ZFYVE9: variants seen among roughly 807,000 people sequenced by gnomAD.
ZFYVE9 encodes zinc finger FYVE domain-containing protein 9.
ZFYVE9 carries 43 observed loss-of-function variants against 126.7 expected under a neutral mutation model. The ratio of observed to expected loss-of-function variants is 0.34; its 90% CI spans 0.27 to 0.44. ZFYVE9 has a LOEUF of 0.44. Ranked by LOEUF, ZFYVE9 falls within the 20% of genes least tolerant of loss-of-function variation. The probability of loss-of-function intolerance (pLI) is 1.00; values close to 1 mark genes in which losing one functional copy is unlikely to be tolerated. For missense variants in ZFYVE9, 1,476 were observed against 1,697.0 expected, an observed-to-expected ratio of 0.87 and a Z score of 2.29; for synonymous variants, 521 against 597.4, an observed-to-expected ratio of 0.87 and a Z score of 1.87.
At position 52,238,426 on chromosome 1, in the gene ZFYVE9, T is replaced by A; in HGVS notation, c.1009T>A (p.Leu337Ile). 6.2e-7 allele frequency: 1 copy of A among 1,614,082 alleles called. No homozygotes were observed. Among genetic ancestry groups the A allele is most frequent in the Non-Finnish European group, 8.5e-7 (1 of 1,179,974 alleles). ...STTEESLRSG[L>I]PLLLKPDMPN... ...CACTGAAGAATCCCTCCGGTCTGGT[T>A]TACCTTTGCTTCTCAAACCAGACAT... The change falls in exon 4 of 19, where the codon TTA becomes ATA. Residue 337 changes from leucine to isoleucine, a missense_variant. By Grantham distance (5) the Leu-to-Ile change is conservative. Around this residue, in one of 2 missense-constraint regions of ZFYVE9, gnomAD observed 807 missense variants for 794.6 expected, o/e 1.02. Coordinates refer to ENST00000287727, the MANE Select transcript of ZFYVE9 (RefSeq NM_004799.4).
chr1:52,321,959 C>A (rs576258541), intron 13 of ZFYVE9, among the ~76,000 whole-genome samples: 1 of 152,304 alleles, frequency 6.6e-6, no homozygotes, highest in East Asian at 1.9e-4. Context: ...TCTAAGCTGA[C>A]ATCTTCCAAA....
At chr1:52,327,217 A>T (rs934407952) in intron 13 of ZFYVE9, among the ~76,000 whole-genome samples, 2 of 152,162 alleles carry the variant, frequency 1.3e-5, no homozygotes, top group Non-Finnish European at 2.9e-5. Context: ...TCAAGGTTGA[A>T]TGTGAATGAT....
Position 52,306,166 on chromosome 1 carries a change from G to T in ZFYVE9, c.3438+2241G>T, listed in dbSNP as rs189696882. 5.3e-5 allele frequency among the ~76,000 whole-genome samples: 8 copies of T among 152,290 alleles called. No individual in the cohort carries two copies. In the East Asian group the frequency reaches 1.5e-3, roughly 29 times the overall value. On this transcript the variant is annotated intron_variant, in intron 13 of 18. Transcript: ENST00000287727. ...AACTTGGGGTGCCTTTTCTCAGCCT[G>T]CCCATGGCTGTCCATGCACCAGTCG...
At chr1:52,300,322 T>TG (rs1389001053) in intron 12 of ZFYVE9, among the ~76,000 whole-genome samples, 1 of 152,204 alleles carries the variant, frequency 6.6e-6, no homozygotes, top group African/African-American at 2.4e-5. Context: ...CTGGGCGTAG[T>TG]GGCTCATGCC....
intron 1 of ZFYVE9, among the ~76,000 whole-genome samples, chr1:52,158,440 C>T (rs577418852): frequency 1.8e-4 from 27 of 152,304 alleles, no homozygotes; most frequent in East Asian, 3.9e-4. Context: ...TGTGCTGCTG[C>T]GCAGCAGGGA....
chr1:52,308,553 CT>C (rs1557513181), intron 13 of ZFYVE9, among the ~76,000 whole-genome samples: 1 of 151,916 alleles, frequency 6.6e-6, no homozygotes, highest in Non-Finnish European at 1.5e-5. Context: ...TCCATTTATA[CT>C]CATAGTCTTT....
At chr1:52,144,629 CT>C (rs199661772) in intron 1 of ZFYVE9, among the ~76,000 whole-genome samples, 3,273 of 136,040 alleles carry the variant, frequency 0.024, 46 homozygotes, top group African/African-American at 0.055. Flanking sequence ...TCATTTCTTT[CT>C]TTTTTTTTTT....
At chr1:52,344,988 C>CG (rs781245238) in intron 18 of ZFYVE9, 44 bp downstream of exon 18, 2 of 1,601,404 alleles carry the variant, frequency 1.2e-6, no homozygotes, top group Non-Finnish European at 8.6e-7. Context: ...CCTTGGGCAA[C>CG]GTCTGTATTT....
At chr1:52,291,648 C>G (rs1645921372) in intron 10 of ZFYVE9, among the ~76,000 whole-genome samples, 1 of 151,966 alleles carries the variant, frequency 6.6e-6, no homozygotes, top group Non-Finnish European at 1.5e-5. Flanking sequence ...GAGGCCAAGG[C>G]GGGTGGATTA....
At chr1:52,221,039 C>G (rs1310692233) in intron 2 of ZFYVE9, among the ~76,000 whole-genome samples, 1 of 152,196 alleles carries the variant, frequency 6.6e-6, no homozygotes, top group African/African-American at 2.4e-5. Context: ...ATTGATGAAG[C>G]CTCGTTCAGT....
chr1:52,291,873 G>A lies in ZFYVE9; in HGVS notation c.3026-1580G>A, dbSNP rs1272429409. Among the ~76,000 whole-genome samples, 12 of 125,712 alleles carry A rather than the reference G, an allele frequency of 9.5e-5. No homozygotes were observed. In the Admixed American group the frequency reaches 1.0e-3, roughly 11 times the overall value. 82.5% of individuals were successfully genotyped at this position (125,712 alleles called of 152,430 possible). A position where few individuals can be genotyped will look rare whatever the true frequency, so the allele number is the denominator to read the frequency against. The stretch of plus-strand genomic sequence containing the variant: ...AGGGTTCCAGGGTGGGTAACAGAGC[G>A]AGACTCTGTCTCAAAAAAAAAAAAA... On this transcript the variant is annotated intron_variant, in intron 10 of 18. Coordinates refer to ENST00000287727, the MANE Select transcript of ZFYVE9 (RefSeq NM_004799.4).
chr1:52,314,949 G>A (rs1455896155), intron 13 of ZFYVE9, among the ~76,000 whole-genome samples: 4 of 152,064 alleles, frequency 2.6e-5, no homozygotes, highest in East Asian at 3.9e-4. Context: ...GTGCCACTGA[G>A]GCAAAGCGTT....
chr1:52,263,676 G>T (rs1170488644), intron 4 of ZFYVE9, 97 bp from the exon 5 acceptor site: 27 of 571,758 alleles, frequency 4.7e-5, no homozygotes, highest in Non-Finnish European at 3.9e-5. Context: ...GTTTAATAAG[G>T]TTCACTGACA....
intron 1 of ZFYVE9, chr1:52,162,287 C>A: frequency 8.1e-6 from 3 of 370,480 alleles, no homozygotes; most frequent in Admixed American, 2.8e-5. Flanking sequence ...GTCTTCATAT[C>A]TGTCATATCC....
chr1:52,201,180 A>G (rs1359912759), intron 1 of ZFYVE9, among the ~76,000 whole-genome samples: 2 of 152,142 alleles, frequency 1.3e-5, no homozygotes, highest in African/African-American at 2.4e-5. Flanking sequence ...TTGTTTTTTC[A>G]TATAGATCTT....
At chr1:52,255,968 C>CTT (rs531740960) in intron 4 of ZFYVE9, among the ~76,000 whole-genome samples, 1 of 71,170 alleles carries the variant, frequency 1.4e-5, no homozygotes, top group Non-Finnish European at 2.7e-5. Context: ...CTTTTCTTTT[C>CTT]TTTCTTTCTT....
At chr1:52,215,334 T>G (rs1408642354) in intron 1 of ZFYVE9, among the ~76,000 whole-genome samples, 2 of 152,198 alleles carry the variant, frequency 1.3e-5, no homozygotes, top group East Asian at 3.8e-4. Context: ...CATGTGCATA[T>G]TTTTCTAGTT....
chr1:52,208,138 C>G (rs1644994503), intron 1 of ZFYVE9, among the ~76,000 whole-genome samples: 1 of 152,078 alleles, frequency 6.6e-6, no homozygotes, highest in Non-Finnish European at 1.5e-5. Context: ...CTGGGCAACA[C>G]AGCAGAAACC....
chr1:52,325,173 G>A (rs1646278868), intron 13 of ZFYVE9, among the ~76,000 whole-genome samples: 1 of 151,954 alleles, frequency 6.6e-6, no homozygotes, highest in Admixed American at 6.6e-5. Flanking sequence ...CAGCTACTCG[G>A]GAGGCTGAGG....
Sources: allele counts gnomAD v4.1 joint callset (sites outside exome capture counted in the v4.1 genomes callset), GRCh38; gene constraint gnomAD v4.1.1; regional missense constraint gnomAD v4.1.1; transcripts MANE v1.5; gene names NCBI Gene and HGNC (gene_info 2026-07-23, HGNC 2026-07-21).